Variants in NRXN1 observed in about 807,000 individuals in gnomAD.
The protein encoded by NRXN1 is neurexin 1.
Under a neutral mutation model 150.9 loss-of-function variants are expected in NRXN1, and 39 were observed. That is an observed-to-expected ratio of 0.26 (90% CI 0.20 to 0.34). NRXN1 has a LOEUF of 0.34. Among genes scored for constraint, NRXN1 ranks in the 10% least tolerant of loss-of-function variants. The probability of loss-of-function intolerance (pLI) is 1.00; values close to 1 mark genes in which losing one functional copy is unlikely to be tolerated. For synonymous variants in NRXN1, 924 were observed against 757.0 expected (o/e 1.22, Z -3.62); for missense variants, 1,815 against 1,949.9 (o/e 0.93, Z 1.30).
In NRXN1 at chr2:50,053,357, A is replaced by G. The variant is rs904664369; in HGVS notation, c.4042T>C (p.Ser1348Pro). 1 of 1,613,894 alleles carries G rather than the reference A, an allele frequency of 6.2e-7. No individual in the cohort carries two copies. The highest frequency in any genetic ancestry group is 1.3e-5 in the African/African-American group (1 of 74,896). The stretch of plus-strand genomic sequence containing the variant: ...GTGGTAGTCTCCATAATTGATGTGG[A>G]CATCTCTGATTGCATGGCAGTGGCT... ...STATAMQSEM[S>P]TSIMETTTTL... Residue 1348 changes from serine (S) to proline (P), a missense_variant, in exon 21 of 23, where the codon TCC (serine) becomes CCC (proline). Ser to Pro is a moderately conservative substitution (Grantham distance 74, BLOSUM62 -1). Coordinates refer to ENST00000401669, the MANE Select transcript of NRXN1 (RefSeq NM_001330078.2).
intron 18 of NRXN1, among the ~76,000 whole-genome samples, chr2:50,225,460 A>C (rs778595565): frequency 2.6e-5 from 4 of 151,838 alleles, no homozygotes; most frequent in Non-Finnish European, 4.4e-5. Flanking sequence ...AGGACATATA[A>C]AGACATAGTT....
intron 5 of NRXN1, among the ~76,000 whole-genome samples, chr2:50,759,268 C>G (rs756613691): frequency 6.6e-6 from 1 of 151,892 alleles, no homozygotes; most frequent in African/African-American, 2.4e-5. Context: ...ATAAACCCCA[C>G]AGTGCACTGG....
At chr2:50,303,798 C>T (rs1450223543) in intron 17 of NRXN1, among the ~76,000 whole-genome samples, 1 of 152,054 alleles carries the variant, frequency 6.6e-6, no homozygotes, top group East Asian at 1.9e-4. Flanking sequence ...TTTCCATTTA[C>T]ATTTTTTCTA....
intron 8 of NRXN1, among the ~76,000 whole-genome samples, chr2:50,556,852 T>C (rs1668333926): frequency 6.6e-6 from 1 of 152,102 alleles, no homozygotes; most frequent in Non-Finnish European, 1.5e-5. Flanking sequence ...TCTGTCTCAG[T>C]TTCTTAATTT....
At chr2:50,032,203 A>G (rs1305278288) in intron 21 of NRXN1, among the ~76,000 whole-genome samples, 1 of 152,096 alleles carries the variant, frequency 6.6e-6, no homozygotes, top group Non-Finnish European at 1.5e-5. Flanking sequence ...TGTACAAGAC[A>G]GGAAAAGCAC....
intron 19 of NRXN1, among the ~76,000 whole-genome samples, chr2:50,075,284 T>C (rs997100309): frequency 6.6e-6 from 1 of 152,166 alleles, no homozygotes; most frequent in Non-Finnish European, 1.5e-5. Flanking sequence ...AAATATATGA[T>C]GAAAGCAATT....
intron 2 of NRXN1, among the ~76,000 whole-genome samples, chr2:51,019,028 G>A (rs759887889): frequency 6.6e-6 from 1 of 152,060 alleles, no homozygotes; most frequent in Non-Finnish European, 1.5e-5. Flanking sequence ...AGCACTAAAT[G>A]TAAGAGTCTG....
intron 18 of NRXN1, among the ~76,000 whole-genome samples, chr2:50,151,175 C>G (rs933063497): frequency 4.0e-5 from 6 of 151,694 alleles, no homozygotes; most frequent in African/African-American, 1.2e-4. Context: ...ATCCCGAGGG[C>G]TGGACTTCAC....
Position 50,552,745 on chromosome 2 carries a change from T to C in NRXN1, c.1601A>G (p.Gln534Arg), listed in dbSNP as rs760176158. The C allele has an allele frequency of 1.2e-5, 20 of 1,613,880 alleles. No individual in the cohort carries two copies. The South Asian group carries it at 2.0e-4, about 16-fold the overall frequency. ...AGCAAAGAAGTCCACCTTTATCATCTGTGGGTGCTTGGCATCTTTCTGATG... is the reference window on the plus strand; with the variant it reads ...AGCAAAGAAGTCCACCTTTATCATCCGTGGGTGCTTGGCATCTTTCTGATG... ...PRHQKDAKHP[Q>R]MIKVDFFAIE... The change falls in exon 9 of 23, where the codon CAG becomes CGG. Residue 534 changes from glutamine to arginine, a missense_variant. Physicochemically the swap from Gln to Arg is conservative, Grantham distance 43. Around this residue, in one of 6 missense-constraint regions of NRXN1, gnomAD observed 638 missense variants for 652.6 expected, o/e 0.98. Coordinates refer to ENST00000401669, the MANE Select transcript of NRXN1 (RefSeq NM_001330078.2).
Position 50,167,670 on chromosome 2 carries a change from T to C in NRXN1, c.3546+69119A>G, listed in dbSNP as rs539928532. Among the ~76,000 whole-genome samples, 52 of 152,326 alleles carry C rather than the reference T, an allele frequency of 3.4e-4. 4 individuals are homozygous for C. The South Asian group carries it at 0.011, about 31-fold the overall frequency. ...ATTTACAACTCTTTTCCACTAAGTA[T>C]TTCCAAAATAATTGTTCTCAAAGTT... On this transcript the variant is annotated intron_variant, in intron 18 of 22. Coordinates refer to ENST00000401669, the MANE Select transcript of NRXN1 (RefSeq NM_001330078.2).
chr2:50,436,771 AT>A (rs1331121199), intron 17 of NRXN1, among the ~76,000 whole-genome samples: 2 of 152,170 alleles, frequency 1.3e-5, no homozygotes, highest in Non-Finnish European at 2.9e-5. Context: ...ATAGTGCTGA[AT>A]AGCATATATT....
intron 5 of NRXN1, among the ~76,000 whole-genome samples, chr2:50,722,048 G>C (rs943012674): frequency 1.3e-5 from 2 of 152,018 alleles, no homozygotes; most frequent in Non-Finnish European, 2.9e-5. Flanking sequence ...GGCTCCCACT[G>C]CTCTTTAAAA....
chr2:50,241,407 CTTTATTA>C, intron 17 of NRXN1, among the ~76,000 whole-genome samples: 1 of 151,808 alleles, frequency 6.6e-6, no homozygotes, highest in South Asian at 2.1e-4. Flanking sequence ...AATGTGTCAC[CTTTATTA>C]TTTATGCATG....
chr2:50,334,820 C>T (rs1165773818), intron 17 of NRXN1, among the ~76,000 whole-genome samples: 1 of 152,204 alleles, frequency 6.6e-6, no homozygotes, highest in Non-Finnish European at 1.5e-5. Flanking sequence ...ATTGCTGGCA[C>T]TTACATACCA....
chr2:50,876,359 G>T (rs959447663), intron 5 of NRXN1, among the ~76,000 whole-genome samples: 2 of 151,594 alleles, frequency 1.3e-5, no homozygotes, highest in African/African-American at 4.8e-5. Flanking sequence ...AAAATACTGT[G>T]GTCTGATGCT....
intron 5 of NRXN1, among the ~76,000 whole-genome samples, chr2:50,657,034 A>G (rs1686581977): frequency 6.6e-6 from 1 of 152,060 alleles, no homozygotes; most frequent in African/African-American, 2.4e-5. Flanking sequence ...AAAACTCTAA[A>G]GAAACATAGA....
intron 22 of NRXN1, among the ~76,000 whole-genome samples, chr2:49,934,627 G>C (rs1670687057): frequency 6.6e-6 from 1 of 152,210 alleles, no homozygotes; most frequent in African/African-American, 2.4e-5. Context: ...AGTGTGTCAA[G>C]TCTAGCATTA....
intron 21 of NRXN1, among the ~76,000 whole-genome samples, chr2:50,018,588 G>A (rs1297779343): frequency 6.6e-6 from 1 of 151,986 alleles, no homozygotes; most frequent in East Asian, 1.9e-4. Flanking sequence ...CATCTTTTTG[G>A]GAAAAGAAGA....
chr2:50,953,097 A>G (rs1558481953), intron 2 of NRXN1, among the ~76,000 whole-genome samples: 1 of 152,090 alleles, frequency 6.6e-6, no homozygotes, highest in African/African-American at 2.4e-5. Flanking sequence ...TAAGAAGTAG[A>G]CTCTGACTCT....
Sources: gnomAD v4.1 joint callset for allele counts (sites outside exome capture counted in the v4.1 genomes callset) on GRCh38, gnomAD v4.1.1 for gene constraint, gnomAD v4.1.1 regional missense constraint, MANE v1.5 for transcripts, NCBI Gene and HGNC (gene_info 2026-07-23, HGNC 2026-07-21) for gene names.